Variants in DZIP1 observed in about 807,000 individuals in gnomAD.
DZIP1 encodes DAZ interacting zinc finger protein 1.
A neutral mutation model predicts 107.6 loss-of-function variants in DZIP1; 97 were observed. That is an observed-to-expected ratio of 0.90 (90% confidence interval 0.77 to 1.07). The LOEUF is 1.07. DZIP1 is among the 50% of genes least tolerant of loss of function. DZIP1 has a pLI of 0.00. For missense variants in DZIP1, 1,035 were observed against 1,063.6 expected (o/e 0.97, Z 0.37); for synonymous variants, 390 against 386.4 (o/e 1.01, Z -0.11).
chr13:95,598,750 A>T (rs1402125036), intron 15 of DZIP1, among the ~76,000 whole-genome samples: 1 of 152,184 alleles, frequency 6.6e-6, no homozygotes, highest in Non-Finnish European at 1.5e-5. Context: ...TGTTCCTCAT[A>T]ATTAAACCTT....
At chr13:95,613,385 C>T (rs575589417) in intron 10 of DZIP1, among the ~76,000 whole-genome samples, 4 of 151,786 alleles carry the variant, frequency 2.6e-5, no homozygotes, top group East Asian at 2.0e-4. Flanking sequence ...TGGTGGCGGG[C>T]GCCTGTAATC....
rs539267183 is a variant in DZIP1 at position 95,605,934 on chromosome 13, T to C, written c.1477+69A>G. On this transcript the variant is annotated intron_variant, in intron 14 of 22. Transcript: ENST00000376829. Reference sequence around the variant, plus strand: ...TTAATTACCTCCACATAATCACTTTTGGTTAATAAGTTATCCAACTCAGGG... The same window carrying C: ...TTAATTACCTCCACATAATCACTTTCGGTTAATAAGTTATCCAACTCAGGG... 3 of 1,475,998 alleles carry C rather than the reference T, an allele frequency of 2.0e-6. No individual in the cohort carries two copies. In the African/African-American group the frequency reaches 4.2e-5, roughly 21 times the overall value. 91.4% of individuals were successfully genotyped at this position (1,475,998 alleles called of 1,614,324 possible).
intron 13 of DZIP1, among the ~76,000 whole-genome samples, chr13:95,608,219 C>T (rs2044843718): frequency 1.3e-5 from 2 of 152,042 alleles, no homozygotes; most frequent in Admixed American, 6.5e-5. Context: ...TTTTTGACCA[C>T]ATTCCCCAAT....
chr13:95,598,767 T>G (rs946396589), intron 15 of DZIP1, among the ~76,000 whole-genome samples: 5 of 152,154 alleles, frequency 3.3e-5, no homozygotes, highest in Non-Finnish European at 5.9e-5. Context: ...CCTTTCTTCA[T>G]AGACTTTAAA....
chr13:95,592,682 C>A (rs74109007), intron 16 of DZIP1, among the ~76,000 whole-genome samples: 2 of 152,052 alleles, frequency 1.3e-5, no homozygotes, highest in Admixed American at 1.3e-4. Flanking sequence ...AAGACATGTA[C>A]AAGAATTAAT....
At chr13:95,600,501 G>A (rs1340083578) in intron 14 of DZIP1, among the ~76,000 whole-genome samples, 1 of 151,906 alleles carries the variant, frequency 6.6e-6, no homozygotes, top group Non-Finnish European at 1.5e-5. Flanking sequence ...AAAGGGTCTG[G>A]TTTTTTATTC....
chr13:95,596,444 G>A lies in DZIP1; in HGVS notation c.1538-2358C>T, dbSNP rs1032720109. ...AATCCTTGAATTTCTGAGTTGGAAG[G>A]GAATTTATCTACCACCTAGTAATGA... is the stretch of plus-strand genomic sequence containing the variant. On this transcript the variant is annotated intron_variant, in intron 15 of 22. Coordinates refer to ENST00000376829, the MANE Select transcript of DZIP1 (RefSeq NM_198968.4). Among the ~76,000 whole-genome samples, 23 of 152,264 alleles carry A rather than the reference G, an allele frequency of 1.5e-4. No individual in the cohort carries two copies. In the East Asian group the frequency reaches 4.4e-3, roughly 29 times the overall value.
intron 20 of DZIP1, 132 bp downstream of exon 20, chr13:95,587,407 G>A (rs1474834466): frequency 1.2e-5 from 14 of 1,210,602 alleles, no homozygotes; most frequent in African/African-American, 1.5e-5. Flanking sequence ...ATTTTCCGTG[G>A]GTGCCTTTGG....
Position 95,609,405 on chromosome 13 carries a change from T to G in DZIP1, c.1420+52A>C, listed in dbSNP as rs557424739. 16 of 1,264,472 alleles carry G rather than the reference T, an allele frequency of 1.3e-5. No individual in the cohort carries two copies. The African/African-American group carries it at 2.5e-4, about 19-fold the overall frequency. The allele number at this position is 1,264,472 out of a possible 1,614,324, so 78.3% of individuals were successfully genotyped here. On this transcript the variant is annotated intron_variant, in intron 13 of 22. Transcript: ENST00000376829. ...ATAGTAAGTAAAAGTTATGTTTTGG[T>G]TTAGCATTTTAAAGATACCTTTGGA... is the stretch of plus-strand genomic sequence containing the variant.
intron 11 of DZIP1, 54 bp from the exon 12 acceptor site, chr13:95,611,547 C>G (rs1269020316): frequency 2.2e-6 from 3 of 1,347,506 alleles, no homozygotes; most frequent in Non-Finnish European, 3.2e-6. Context: ...TAGGGACACA[C>G]ACATGGGATA....
At position 95,581,440 on chromosome 13, in the gene DZIP1, T is replaced by G. The variant is rs2044010777; in HGVS notation, c.*794A>C. 1 of 152,514 alleles carries G rather than the reference T, an allele frequency of 6.6e-6. No homozygotes were observed. Among genetic ancestry groups the G allele is most frequent in the African/African-American group, 2.4e-5 (1 of 41,442 alleles). The allele number at this position is 152,514 out of a possible 1,614,324, so 9.4% of individuals were successfully genotyped here. A position where few individuals can be genotyped will look rare whatever the true frequency, so the allele number is the denominator to read the frequency against. On this transcript the variant is annotated 3_prime_UTR_variant, in exon 23 of 23. Coordinates refer to ENST00000376829, the MANE Select transcript of DZIP1 (RefSeq NM_198968.4). Reference sequence around the variant, plus strand: ...ACTTAAAATAACTATACTTTATTCATAAAATATCCAAGATAAAGAATATGC... The same window carrying G: ...ACTTAAAATAACTATACTTTATTCAGAAAATATCCAAGATAAAGAATATGC...
chr13:95,616,518 G>A (rs574224844), intron 10 of DZIP1, among the ~76,000 whole-genome samples: 5 of 152,198 alleles, frequency 3.3e-5, no homozygotes, highest in African/African-American at 9.7e-5. Flanking sequence ...GGCCAATGAC[G>A]TGATTGGAGA....
Position 95,599,360 on chromosome 13 carries a change from G to T in DZIP1, c.1537+5C>A. On this transcript the variant is annotated splice_donor_5th_base_variant and intron_variant, in intron 15 of 22. Transcript: ENST00000376829. ...GCAGGTAAACCTGATCAAGCCCTTT[G>T]TTACCTTTTTCTTCCTCTGAAAGTT... 6.2e-7 allele frequency: 1 copy of T among 1,612,818 alleles called. No homozygotes were observed. The highest frequency in any genetic ancestry group is 2.2e-5 in the East Asian group (1 of 44,804).
chr13:95,622,193 T>C, intron 9 of DZIP1, 150 bp downstream of exon 9: 1 of 926,384 alleles, frequency 1.1e-6, no homozygotes, highest in Non-Finnish European at 1.6e-6. Flanking sequence ...CTCTTATGAT[T>C]TAGGCATGCT....
At chr13:95,610,200 A>G (rs771571474) in intron 12 of DZIP1, among the ~76,000 whole-genome samples, 1 of 152,002 alleles carries the variant, frequency 6.6e-6, no homozygotes, top group Non-Finnish European at 1.5e-5. Context: ...CGCAGTCAGT[A>G]GGTTGTGCAT....
chr13:95,606,678 G>C (rs1435584832), intron 13 of DZIP1, among the ~76,000 whole-genome samples: 1 of 152,164 alleles, frequency 6.6e-6, no homozygotes, highest in Admixed American at 6.5e-5. Context: ...CTGTTTAGCT[G>C]TTATGAATAA....
chr13:95,614,645 G>T (rs1290799858), intron 10 of DZIP1, among the ~76,000 whole-genome samples: 1 of 152,142 alleles, frequency 6.6e-6, no homozygotes, highest in Non-Finnish European at 1.5e-5. Context: ...TGCAGCTCAT[G>T]AGCCCATTTT....
chr13:95,582,404 C>T (rs907850766), intron 22 of DZIP1, 91 bp from the exon 23 acceptor site: 4 of 1,080,322 alleles, frequency 3.7e-6, no homozygotes, highest in Non-Finnish European at 5.7e-6. Context: ...TTCATATTGT[C>T]ATTAATCACT....
Position 95,633,338 on chromosome 13 carries a change from A to G in DZIP1, c.598-17T>C, listed in dbSNP as rs1877423971. On this transcript the variant is annotated splice_polypyrimidine_tract_variant and intron_variant, in intron 5 of 22. Transcript: ENST00000376829. ...AAAATGGCACTGAAAAGGAGAGAGC[A>G]ACAAATCCAAGTGTCTGTAACGACT... 1 of 1,604,566 alleles carries G rather than the reference A, an allele frequency of 6.2e-7. No individual in the cohort carries two copies. The highest frequency in any genetic ancestry group is 1.3e-5 in the African/African-American group (1 of 74,688).
Sources: allele counts gnomAD v4.1 joint callset (sites outside exome capture counted in the v4.1 genomes callset), GRCh38; gene constraint gnomAD v4.1.1; transcripts MANE v1.5; gene names NCBI Gene and HGNC (gene_info 2026-07-23, HGNC 2026-07-21).